Variants in GAK observed in about 807,000 individuals in gnomAD.
GAK encodes cyclin G associated kinase.
A neutral mutation model predicts 143.9 loss-of-function variants in GAK; 79 were observed. That is an observed-to-expected ratio of 0.55 (90% CI 0.46 to 0.66). The LOEUF is 0.66. GAK is among the 30% of genes least tolerant of loss of function. The pLI, the probability that GAK is intolerant of heterozygous loss-of-function variation, is 0.00. For missense variants in GAK, 1,693 were observed against 1,779.7 expected (o/e 0.95, Z 0.88); for synonymous variants, 881 against 765.5 (o/e 1.15, Z -2.49).
At chr4:871,790 C>T (rs1712693064) in intron 18 of GAK, among the ~76,000 whole-genome samples, 1 of 152,098 alleles carries the variant, frequency 6.6e-6, no homozygotes, top group South Asian at 2.1e-4. Context: ...ATTTCCCAGC[C>T]CCACAGCTCT....
At chr4:910,467 G>GT (rs1230089686) in intron 4 of GAK, among the ~76,000 whole-genome samples, 1 of 151,758 alleles carries the variant, frequency 6.6e-6, no homozygotes, top group Non-Finnish European at 1.5e-5. Flanking sequence ...CAGTGCAGGG[G>GT]TCCCCCCTCA....
rs766558665 is a variant in GAK at position 851,778 on chromosome 4, C to T, written c.3480G>A (p.Glu1160=). 26 of 1,612,968 alleles carry T rather than the reference C, an allele frequency of 1.6e-5. No homozygotes were observed. The highest frequency in any genetic ancestry group is 2.2e-5 in the Non-Finnish European group (26 of 1,179,676). Residue 1160 remains glutamate, a synonymous_variant, in exon 25 of 28, where the codon GAG becomes GAA. Coordinates refer to ENST00000314167, the MANE Select transcript of GAK (RefSeq NM_005255.4). ...ASNFSVIGAR[E]ERGVRAPSFA... ...AGCTGGGTGCGCGGACCCCCCGCTCCTCCCGCGCCCCGATCACACTGAAGT... is the reference window on the plus strand; with the variant it reads ...AGCTGGGTGCGCGGACCCCCCGCTCTTCCCGCGCCCCGATCACACTGAAGT...
At chr4:886,684 C>A (rs149725832) in intron 11 of GAK, 2 of 152,372 alleles carry the variant, frequency 1.3e-5, no homozygotes, top group Non-Finnish European at 2.9e-5. Flanking sequence ...AGTCTCTCAC[C>A]CCCCTGGGTC....
At chr4:926,595 C>G (rs539753760) in intron 1 of GAK, among the ~76,000 whole-genome samples, 1 of 152,178 alleles carries the variant, frequency 6.6e-6, no homozygotes, top group African/African-American at 2.4e-5. Flanking sequence ...TCGGCAAATA[C>G]GAAGAGCCCC....
intron 5 of GAK, among the ~76,000 whole-genome samples, chr4:902,614 A>AAAAAAAAAAAAAC (rs796109765): frequency 4.7e-5 from 7 of 148,292 alleles, no homozygotes; most frequent in Non-Finnish European, 3.0e-5. Flanking sequence ...AAAAAAAAAA[A>AAAAAAAAAAAAAC]CCCCAAAAAA....
chr4:881,555 G>A (rs978460534), intron 15 of GAK, among the ~76,000 whole-genome samples: 3 of 152,078 alleles, frequency 2.0e-5, no homozygotes, highest in East Asian at 1.9e-4. Flanking sequence ...TCTGAGCAGC[G>A]TCAGGTGCTC....
chr4:867,758 G>A (rs1751479412), intron 20 of GAK, among the ~76,000 whole-genome samples: 1 of 152,338 alleles, frequency 6.6e-6, no homozygotes, highest in South Asian at 2.1e-4. Context: ...CAGCACCAAT[G>A]TCCCCATGGC....
intron 11 of GAK, chr4:888,225 G>C (rs546714392): frequency 1.3e-4 from 20 of 152,424 alleles, no homozygotes; most frequent in Admixed American, 1.2e-3. Context: ...GAGCTGGTGC[G>C]ACCGCAGGGC....
chr4:851,126 T>G (rs775785393), intron 25 of GAK, 42 bp from the exon 26 acceptor site: 2 of 1,560,682 alleles, frequency 1.3e-6, no homozygotes, highest in East Asian at 2.3e-5. Context: ...AGACAGGGTC[T>G]CCACTCTGTC....
At chr4:856,583 C>CCACAGGTGCTCACCACAGCTGCT (rs1560281672) in intron 24 of GAK, among the ~76,000 whole-genome samples, 1 of 73,450 alleles carries the variant, frequency 1.4e-5, no homozygotes, top group Admixed American at 1.1e-4. Context: ...CAGCTGCTCA[C>CCACAGGTGCTCACCACAGCTGCT]CACCACAGGT....
At chr4:855,883 A>ATCCC (rs1381798122) in intron 24 of GAK, among the ~76,000 whole-genome samples, 1 of 152,172 alleles carries the variant, frequency 6.6e-6, no homozygotes, top group Non-Finnish European at 1.5e-5. Flanking sequence ...TGAAACTGGG[A>ATCCC]GGTGGAGGTT....
chr4:917,656 G>A (rs540944536), intron 1 of GAK, among the ~76,000 whole-genome samples: 4 of 152,264 alleles, frequency 2.6e-5, no homozygotes, highest in South Asian at 4.1e-4. Context: ...AAGGGTTACC[G>A]TGGGGAGGAG....
At chr4:871,567 G>T (rs1712628403) in intron 18 of GAK, among the ~76,000 whole-genome samples, 2 of 152,218 alleles carry the variant, frequency 1.3e-5, no homozygotes, top group Admixed American at 1.3e-4. Flanking sequence ...CTGTGGGGCT[G>T]GGGAGGCAGC....
At chr4:903,006 C>A (rs1018775611) in intron 5 of GAK, among the ~76,000 whole-genome samples, 6 of 152,226 alleles carry the variant, frequency 3.9e-5, no homozygotes, top group Non-Finnish European at 8.8e-5. Flanking sequence ...AAAATCAACA[C>A]AGGCAGCTCA....
intron 5 of GAK, among the ~76,000 whole-genome samples, chr4:903,579 CTGGGGGGCTGAGGAAGGAG>C (rs1163506291): frequency 9.3e-5 from 14 of 151,114 alleles, no homozygotes; most frequent in African/African-American, 9.9e-5. Flanking sequence ...GCCAACACCA[CTGGGGGGCTGAGGAAGGAG>C]CGTGGGATGA....
intron 24 of GAK, among the ~76,000 whole-genome samples, chr4:858,410 G>C (rs1231275229): frequency 6.6e-6 from 1 of 152,058 alleles, no homozygotes; most frequent in Admixed American, 6.5e-5. Flanking sequence ...AAACGGCGGG[G>C]ATCCCTGGGA....
intron 23 of GAK, among the ~76,000 whole-genome samples, chr4:860,493 A>C (rs1202045359): frequency 6.6e-6 from 1 of 152,222 alleles, no homozygotes; most frequent in Non-Finnish European, 1.5e-5. Context: ...AAGAACATGA[A>C]ATGATTCTCA....
At chr4:889,426 T>G (rs1024111646) in intron 10 of GAK, among the ~76,000 whole-genome samples, 1 of 150,590 alleles carries the variant, frequency 6.6e-6, no homozygotes, top group African/African-American at 2.4e-5. Flanking sequence ...ACAGGCGGCT[T>G]TGGTGGCACA....
intron 15 of GAK, among the ~76,000 whole-genome samples, chr4:878,284 G>A (rs1188893235): frequency 6.6e-6 from 1 of 152,184 alleles, no homozygotes; most frequent in South Asian, 2.1e-4. Flanking sequence ...AGCTACTCGG[G>A]AGGGCTAAGG....
Sources: allele counts gnomAD v4.1 joint callset (sites outside exome capture counted in the v4.1 genomes callset), GRCh38; gene constraint gnomAD v4.1.1; transcripts MANE v1.5; gene names NCBI Gene and HGNC (gene_info 2026-07-23, HGNC 2026-07-21).